The following SLIT3 variants were observed in gnomAD, a reference collection of about 807,000 sequenced individuals.
SLIT3 encodes the protein slit homolog 3 protein.
Under a neutral mutation model 184.0 loss-of-function variants are expected in SLIT3, and 68 were observed. The ratio of observed to expected loss-of-function variants is 0.37; its 90% CI spans 0.30 to 0.45. The LOEUF is 0.45. SLIT3 is among the 20% of genes least tolerant of loss of function. The pLI is 1.00. For synonymous variants in SLIT3, 831 were observed against 828.6 expected (o/e 1.00, Z -0.05); for missense variants, 1,707 against 2,026.0 (o/e 0.84, Z 3.02).
At chr5:169,027,790 G>C (rs1561617030) in intron 4 of SLIT3, among the ~76,000 whole-genome samples, 2 of 152,192 alleles carry the variant, frequency 1.3e-5, no homozygotes, top group East Asian at 1.9e-4. Flanking sequence ...ACTTGGAGGA[G>C]AGTTATATTA....
intron 5 of SLIT3, among the ~76,000 whole-genome samples, chr5:168,859,633 ACT>A (rs1320292722): frequency 2.0e-5 from 3 of 152,120 alleles, no homozygotes; most frequent in Non-Finnish European, 4.4e-5. Context: ...GCACTTAGAG[ACT>A]CTGAGTGAAT....
chr5:168,928,603 G>A (rs1342471418), intron 4 of SLIT3, among the ~76,000 whole-genome samples: 2 of 152,158 alleles, frequency 1.3e-5, no homozygotes, highest in African/African-American at 2.4e-5. Flanking sequence ...GTATGTGCAA[G>A]TCTTTCTAGA....
intron 4 of SLIT3, among the ~76,000 whole-genome samples, chr5:169,078,725 C>T (rs1459043444): frequency 6.6e-6 from 1 of 152,186 alleles, no homozygotes; most frequent in Non-Finnish European, 1.5e-5. Context: ...TACATAATTT[C>T]AGCTACTCAG....
intron 9 of SLIT3, among the ~76,000 whole-genome samples, chr5:168,802,262 C>G (rs553416465): frequency 6.6e-6 from 1 of 151,952 alleles, no homozygotes; most frequent in Non-Finnish European, 1.5e-5. Context: ...TCTCATCTTC[C>G]CACCCATCTG....
At chr5:168,729,895 G>A (rs188642703) in intron 20 of SLIT3, among the ~76,000 whole-genome samples, 63 of 152,020 alleles carry the variant, frequency 4.1e-4, no homozygotes, top group African/African-American at 1.5e-3. Context: ...GAATATAAAT[G>A]GATTAAATGC....
Position 168,696,408 on chromosome 5 carries a change from T to A in SLIT3, c.2966A>T (p.Glu989Val), listed in dbSNP as rs759431210. ...TGGGTTGATCTCACACCGCTGCCCC[T>A]CAAAGCCCAGAGGGCAGGAGCAGCT... ...GFSCSCPLGFEGQRCEINPDD... is the reference protein window; with the variant it reads ...GFSCSCPLGFVGQRCEINPDD... The change falls in exon 28 of 36, where the codon GAG becomes GTG. Residue 989 changes from glutamate (E) to valine (V), a missense_variant. Transcript: ENST00000519560. 15 of 1,613,974 alleles carry A rather than the reference T, an allele frequency of 9.3e-6. No homozygotes were observed. In the East Asian group the frequency reaches 3.3e-4, roughly 36 times the overall value.
intron 4 of SLIT3, among the ~76,000 whole-genome samples, chr5:169,005,523 G>A (rs1755887849): frequency 6.6e-6 from 1 of 152,102 alleles, no homozygotes. Flanking sequence ...TGATGACCTG[G>A]GCCAAGGTTG....
intron 18 of SLIT3, among the ~76,000 whole-genome samples, chr5:168,751,580 G>A (rs1754713260): frequency 1.3e-5 from 2 of 152,120 alleles, no homozygotes; most frequent in Admixed American, 6.5e-5. Context: ...CTGAACCTAG[G>A]AAATTTGGCT....
intron 4 of SLIT3, among the ~76,000 whole-genome samples, chr5:169,002,322 CAA>C (rs397999882): frequency 0.033 from 805 of 24,060 alleles, 7 homozygotes; most frequent in African/African-American, 0.1. Flanking sequence ...GACTCTGTCT[CAA>C]AAAAAAAAAA....
At chr5:169,243,847 T>G (rs1474509668) in intron 3 of SLIT3, among the ~76,000 whole-genome samples, 1 of 152,180 alleles carries the variant, frequency 6.6e-6, no homozygotes, top group Non-Finnish European at 1.5e-5. Context: ...GCAACCAAGA[T>G]TCAGAGAGAA....
At chr5:169,254,398 G>A (rs893930729) in intron 1 of SLIT3, among the ~76,000 whole-genome samples, 4 of 152,268 alleles carry the variant, frequency 2.6e-5, no homozygotes, top group Admixed American at 2.0e-4. Flanking sequence ...CAGGAGGGGT[G>A]ATCCTGGATG....
At chr5:168,970,770 GATC>G (rs1398081655) in intron 4 of SLIT3, among the ~76,000 whole-genome samples, 28 of 152,280 alleles carry the variant, frequency 1.8e-4, no homozygotes, top group Middle Eastern at 6.8e-3. Context: ...AAAGAGCCCA[GATC>G]ATCACCATTT....
intron 3 of SLIT3, among the ~76,000 whole-genome samples, chr5:169,203,488 G>A (rs1257249399): frequency 2.0e-5 from 3 of 152,098 alleles, no homozygotes; most frequent in Non-Finnish European, 4.4e-5. Flanking sequence ...CACCAAAGCT[G>A]CATCCCTATA....
chr5:169,186,996 G>A (rs981185131), intron 4 of SLIT3, among the ~76,000 whole-genome samples: 1 of 141,910 alleles, frequency 7.0e-6, no homozygotes, highest in African/African-American at 2.6e-5. Flanking sequence ...ATGACAGCAG[G>A]TTTAGCCTCA....
rs148989463 is a variant in SLIT3, at chr5:169,264,976, T to C, written c.198-13517A>G. On this transcript the variant is annotated intron_variant, in intron 1 of 35. Transcript: ENST00000519560. ...ACCTGCAAAAGCTTGCAGCCAGCCC[T>C]GTGCAGACAGCTACCTGCAGGGAGA... Among the ~76,000 whole-genome samples, 451 of 152,316 alleles carry C rather than the reference T, an allele frequency of 3.0e-3. 6 individuals carry two copies. Among genetic ancestry groups the C allele is most frequent in the African/African-American group, 0.01 (426 of 41,566 alleles).
intron 20 of SLIT3, among the ~76,000 whole-genome samples, chr5:168,732,077 A>G (rs1262496178): frequency 2.6e-5 from 4 of 152,142 alleles, no homozygotes; most frequent in African/African-American, 9.6e-5. Flanking sequence ...TGTTAGACTT[A>G]ATAAATGAAT....
rs375146227 is a variant in SLIT3 at position 168,991,565 on chromosome 5, A to G, written c.414-108229T>C. On this transcript the variant is annotated intron_variant, in intron 4 of 35. Coordinates refer to ENST00000519560, the MANE Select transcript of SLIT3 (RefSeq NM_003062.4). Reference sequence around the variant, plus strand: ...ACTGCCCCCACCACCCCCAGCAGCAAACCTGTAGGCAGGAGTGGGGAAATG... The same window carrying G: ...ACTGCCCCCACCACCCCCAGCAGCAGACCTGTAGGCAGGAGTGGGGAAATG... 2.6e-3 allele frequency among the ~76,000 whole-genome samples: 402 copies of G among 152,300 alleles called. 3 individuals carry two copies. Among genetic ancestry groups the G allele is most frequent in the African/African-American group, 9.2e-3 (381 of 41,568 alleles).
At chr5:169,079,226 G>T (rs973726222) in intron 4 of SLIT3, among the ~76,000 whole-genome samples, 4 of 152,250 alleles carry the variant, frequency 2.6e-5, no homozygotes, top group Non-Finnish European at 2.9e-5. Flanking sequence ...TCAGGCCAGG[G>T]TTTGTCCAGG....
At chr5:168,918,148 T>C (rs753636747) in intron 4 of SLIT3, among the ~76,000 whole-genome samples, 1 of 152,100 alleles carries the variant, frequency 6.6e-6, no homozygotes, top group African/African-American at 2.4e-5. Flanking sequence ...GTCAAGTTGA[T>C]ATAATAAACA....
Sources: allele counts gnomAD v4.1 joint callset (sites outside exome capture counted in the v4.1 genomes callset), GRCh38; gene constraint gnomAD v4.1.1; transcripts MANE v1.5; gene names NCBI Gene and HGNC (gene_info 2026-07-23, HGNC 2026-07-21).